The following FMNL2 variants were observed in gnomAD, a reference collection of about 807,000 sequenced individuals.
FMNL2 encodes the protein formin-like protein 2.
Under a neutral mutation model 130.2 loss-of-function variants are expected in FMNL2, and 51 were observed. That is an observed-to-expected ratio of 0.39 (90% CI 0.31 to 0.49). The LOEUF is 0.49. Ranked by LOEUF, FMNL2 falls within the 20% of genes least tolerant of loss-of-function variation. The pLI is 0.85. For synonymous variants in FMNL2, 465 were observed against 467.1 expected (o/e 1.00, Z 0.06); for missense variants, 977 against 1,316.2 (o/e 0.74, Z 3.99).
chr2:152,492,930 T>C (rs181933177), intron 1 of FMNL2, among the ~76,000 whole-genome samples: 94 of 152,340 alleles, frequency 6.2e-4, no homozygotes, highest in Non-Finnish European at 1.5e-4. Flanking sequence ...TCATTACCTT[T>C]GTAGTGTTTT....
chr2:152,404,477 G>C (rs1685876049), intron 1 of FMNL2, among the ~76,000 whole-genome samples: 3 of 152,102 alleles, frequency 2.0e-5, no homozygotes, highest in African/African-American at 7.2e-5. Context: ...CCTACAACTT[G>C]AGCCCTCAGA....
At chr2:152,459,940 G>T (rs1689153334) in intron 1 of FMNL2, among the ~76,000 whole-genome samples, 1 of 152,178 alleles carries the variant, frequency 6.6e-6, no homozygotes, top group Admixed American at 6.5e-5. Flanking sequence ...ATTTTCGTTT[G>T]AGTCCCTAGT....
intron 1 of FMNL2, among the ~76,000 whole-genome samples, chr2:152,506,863 T>G (rs1474586011): frequency 6.6e-6 from 1 of 152,234 alleles, no homozygotes; most frequent in Non-Finnish European, 1.5e-5. Flanking sequence ...TTTATTCTTC[T>G]AAAAGCATAA....
chr2:152,420,574 T>G (rs1222827988), intron 1 of FMNL2, among the ~76,000 whole-genome samples: 1 of 152,170 alleles, frequency 6.6e-6, no homozygotes, highest in African/African-American at 2.4e-5. Flanking sequence ...CACTGGGGCA[T>G]TGGGTATCAA....
At chr2:152,529,591 A>T (rs1318742823) in intron 2 of FMNL2, among the ~76,000 whole-genome samples, 2 of 152,184 alleles carry the variant, frequency 1.3e-5, no homozygotes, top group African/African-American at 4.8e-5. Context: ...CTGGAAAAGC[A>T]ATCAAATAGC....
intron 1 of FMNL2, among the ~76,000 whole-genome samples, chr2:152,407,661 T>A (rs1686059236): frequency 6.6e-6 from 1 of 152,256 alleles, no homozygotes; most frequent in Non-Finnish European, 1.5e-5. Flanking sequence ...CTCTGGCTGC[T>A]GCTGTACCAA....
chr2:152,424,516 G>A (rs147794244), intron 1 of FMNL2, among the ~76,000 whole-genome samples: 3,569 of 151,718 alleles, frequency 0.024, 135 homozygotes, highest in African/African-American at 0.081. Context: ...TCAGCCTCCC[G>A]AATAGCTGGG....
At chr2:152,497,349 G>T (rs1488537052) in intron 1 of FMNL2, among the ~76,000 whole-genome samples, 2 of 151,914 alleles carry the variant, frequency 1.3e-5, no homozygotes, top group African/African-American at 4.8e-5. Flanking sequence ...ATAGAGTACT[G>T]TTTTCTAAAG....
intron 9 of FMNL2, among the ~76,000 whole-genome samples, chr2:152,601,463 G>T (rs1339933185): frequency 6.7e-6 from 1 of 149,868 alleles, no homozygotes; most frequent in Non-Finnish European, 1.5e-5. Context: ...ACGACGCCCA[G>T]CTAATTTTTG....
At position 152,628,182 on chromosome 2, in the gene FMNL2, G is replaced by A. The variant is rs114114415; in HGVS notation, c.2166-117G>A. ...GAAATCTTAGACTCGTTGATTTGGT[G>A]TTTGATGAGCTGTACCAGATGGATG... On this transcript the variant is annotated intron_variant, in intron 17 of 25. Transcript: ENST00000288670. 2.9e-3 allele frequency: 2,421 copies of A among 841,696 alleles called. 43 individuals are homozygous for A. The African/African-American group carries it at 0.037, about 13-fold the overall frequency. 52.1% of individuals were successfully genotyped at this position (841,696 alleles called of 1,614,324 possible).
At chr2:152,623,714 G>C (rs1681536004) in intron 15 of FMNL2, among the ~76,000 whole-genome samples, 1 of 152,114 alleles carries the variant, frequency 6.6e-6, no homozygotes, top group Non-Finnish European at 1.5e-5. Flanking sequence ...AAGTAGTGTG[G>C]TAGGCTACCC....
intron 1 of FMNL2, among the ~76,000 whole-genome samples, chr2:152,458,394 T>C (rs6709494): frequency 0.99 from 150,421 of 152,288 alleles, 74,309 homozygotes; most frequent in Middle Eastern, 1. Flanking sequence ...GTTTACTCAC[T>C]GTTGCCCTTC....
chr2:152,354,681 C>A (rs577184425), intron 1 of FMNL2, among the ~76,000 whole-genome samples: 54 of 152,194 alleles, frequency 3.5e-4, no homozygotes, highest in Non-Finnish European at 6.3e-4. Flanking sequence ...TTCTTACTAT[C>A]TGGTGAGGAA....
At chr2:152,538,437 G>T (rs1039708862) in intron 2 of FMNL2, among the ~76,000 whole-genome samples, 1 of 151,828 alleles carries the variant, frequency 6.6e-6, no homozygotes, top group Non-Finnish European at 1.5e-5. Context: ...GCGCCACCAC[G>T]CCTGACTAAT....
Position 152,614,874 on chromosome 2 carries a change from C to G in FMNL2, c.1086C>G (p.Asp362Glu). Residue 362 changes from aspartate to glutamate, a missense_variant, in exon 12 of 26, where the codon GAC (aspartate) becomes GAG (glutamate). Coordinates refer to ENST00000288670, the MANE Select transcript of FMNL2 (RefSeq NM_052905.4). The stretch of plus-strand genomic sequence containing the variant: ...AGAAGCTGAAACACACTGAGAGTGA[C>G]AAGCTTCAAGTCCAGATCCAGGCTT... ...YLDKLKHTES[D>E]KLQVQIQAYL... The G allele has an allele frequency of 1.2e-6, 2 of 1,612,048 alleles. No individual in the cohort carries two copies. Among genetic ancestry groups the G allele is most frequent in the Non-Finnish European group, 1.7e-6 (2 of 1,179,422 alleles).
intron 1 of FMNL2, among the ~76,000 whole-genome samples, chr2:152,380,925 G>C (rs1684427948): frequency 6.6e-6 from 1 of 152,154 alleles, no homozygotes; most frequent in African/African-American, 2.4e-5. Flanking sequence ...GACTTAAACT[G>C]AGCCTTCATT....
intron 1 of FMNL2, among the ~76,000 whole-genome samples, chr2:152,336,122 C>CAAAAA (rs779093251): frequency 1.6e-4 from 22 of 137,232 alleles, no homozygotes; most frequent in South Asian, 1.1e-3. Context: ...CAAAACAAAA[C>CAAAAA]ACCCTGAGCC....
chr2:152,338,739 GA>G (rs1181976981), intron 1 of FMNL2, among the ~76,000 whole-genome samples: 1 of 151,726 alleles, frequency 6.6e-6, no homozygotes, highest in African/African-American at 2.4e-5. Context: ...ACATTTAAGG[GA>G]AAAAATTACT....
intron 1 of FMNL2, among the ~76,000 whole-genome samples, chr2:152,372,239 A>G (rs915249755): frequency 2.6e-5 from 4 of 152,208 alleles, no homozygotes; most frequent in Non-Finnish European, 2.9e-5. Context: ...TTGAGCACTA[A>G]GAGTACTCTG....
Sources: gnomAD v4.1 joint callset for allele counts (sites outside exome capture counted in the v4.1 genomes callset) on GRCh38, gnomAD v4.1.1 for gene constraint, MANE v1.5 for transcripts, NCBI Gene and HGNC (gene_info 2026-07-23, HGNC 2026-07-21) for gene names.